LNX1: variants seen among roughly 807,000 people sequenced by gnomAD.
The protein encoded by LNX1 is ligand of numb-protein X 1, also known as E3 ubiquitin-protein ligase LNX.
Under a neutral mutation model 68.4 loss-of-function variants are expected in LNX1, and 54 were observed. The observed-to-expected ratio is 0.79, with a 90% CI of 0.63 to 0.99. The LOEUF is 0.99. Among genes scored for constraint, LNX1 ranks in the 50% least tolerant of loss-of-function variants. The probability of loss-of-function intolerance (pLI) is 0.00; values close to 1 mark genes in which losing one functional copy is unlikely to be tolerated. For synonymous variants in LNX1, 336 were observed against 350.0 expected, an observed-to-expected ratio of 0.96 and a Z score of 0.45; for missense variants, 906 against 926.4, an observed-to-expected ratio of 0.98 and a Z score of 0.29.
At chr4:53,610,517 C>T (rs1011069902) in intron 2 of LNX1, among the ~76,000 whole-genome samples, 2 of 151,904 alleles carry the variant, frequency 1.3e-5, no homozygotes, top group African/African-American at 4.8e-5. Context: ...ACCATCCTGG[C>T]TAACACGGTG....
In LNX1 at chr4:53,541,169, G is replaced by T. The variant is rs187689981; in HGVS notation, c.380+32454C>A. 2.3e-4 allele frequency among the ~76,000 whole-genome samples: 34 copies of T among 150,126 alleles called. No individual in the cohort carries two copies. The East Asian group carries it at 6.0e-3, about 27-fold the overall frequency. On this transcript the variant is annotated intron_variant, in intron 2 of 10. Transcript: ENST00000263925. ...AAAGAAAAAAAAAAAAGAAAGAAAA[G>T]AAAAGAAAGAAAGAAATGGCAGGAA...
chr4:53,540,849 CAGGAG>C (rs1397247897), intron 2 of LNX1, among the ~76,000 whole-genome samples: 1 of 151,916 alleles, frequency 6.6e-6, no homozygotes, highest in Non-Finnish European at 1.5e-5. Context: ...AAATAAATGG[CAGGAG>C]AGCTGGGAAT....
At chr4:53,585,586 T>G (rs1348261886) in intron 1 of LNX1, among the ~76,000 whole-genome samples, 1 of 152,092 alleles carries the variant, frequency 6.6e-6, no homozygotes, top group Non-Finnish European at 1.5e-5. Flanking sequence ...GGGTCCTAAA[T>G]TCAATGACAG....
chr4:53,496,893 A>G (rs1725106448), intron 5 of LNX1, among the ~76,000 whole-genome samples: 1 of 152,038 alleles, frequency 6.6e-6, no homozygotes, highest in South Asian at 2.1e-4. Flanking sequence ...CTGTGTGTGT[A>G]TGTAGATGTG....
At chr4:53,646,274 G>A (rs953816656) in intron 1 of LNX1, among the ~76,000 whole-genome samples, 10 of 152,168 alleles carry the variant, frequency 6.6e-5, no homozygotes, top group Admixed American at 3.3e-4. Context: ...GTAAATGACC[G>A]GAGTGGAGTA....
chr4:53,523,668 G>A (rs2109586326), intron 2 of LNX1, among the ~76,000 whole-genome samples: 1 of 152,248 alleles, frequency 6.6e-6, no homozygotes, highest in South Asian at 2.1e-4. Context: ...AGGAGACTAG[G>A]GATTTTTCTG....
At chr4:53,597,934 T>C (rs1732827439) in intron 2 of LNX1, among the ~76,000 whole-genome samples, 1 of 152,194 alleles carries the variant, frequency 6.6e-6, no homozygotes, top group Non-Finnish European at 1.5e-5. Context: ...TGTTGAACCA[T>C]TGCCTAGATC....
intron 2 of LNX1, among the ~76,000 whole-genome samples, chr4:53,571,330 TC>T (rs78223142): frequency 0.085 from 12,984 of 152,066 alleles, 623 homozygotes; most frequent in Non-Finnish European, 0.12. Context: ...AAATTAAGAA[TC>T]TTGAGATGAA....
At chr4:53,602,607 G>T (rs920258722) in intron 2 of LNX1, among the ~76,000 whole-genome samples, 1 of 152,216 alleles carries the variant, frequency 6.6e-6, no homozygotes, top group Admixed American at 6.5e-5. Context: ...GAGGGCACTT[G>T]AATGGCCTTT....
chr4:53,547,277 C>A (rs181308093), intron 2 of LNX1, among the ~76,000 whole-genome samples: 51 of 152,256 alleles, frequency 3.3e-4, no homozygotes, highest in Non-Finnish European at 6.9e-4. Context: ...TATTCTAACT[C>A]CCTCCATTAC....
intron 9 of LNX1, among the ~76,000 whole-genome samples, chr4:53,472,339 G>T (rs1736524344): frequency 6.6e-6 from 1 of 152,120 alleles, no homozygotes; most frequent in Admixed American, 6.5e-5. Flanking sequence ...GACTGTTGTG[G>T]GGTTGGGGGA....
intron 1 of LNX1, among the ~76,000 whole-genome samples, chr4:53,580,824 T>C (rs1366900091): frequency 6.6e-6 from 1 of 152,226 alleles, no homozygotes; most frequent in Non-Finnish European, 1.5e-5. Context: ...CTCTCTTATT[T>C]GTTTGTAAAC....
At chr4:53,551,607 G>T (rs1314351289) in intron 2 of LNX1, among the ~76,000 whole-genome samples, 1 of 152,122 alleles carries the variant, frequency 6.6e-6, no homozygotes, top group African/African-American at 2.4e-5. Flanking sequence ...CTGTGGATGC[G>T]GACAGCCCAC....
upstream of LNX1, among the ~76,000 whole-genome samples, chr4:53,621,217 C>T (rs1418793820): frequency 2.6e-5 from 4 of 152,114 alleles, no homozygotes; most frequent in African/African-American, 9.7e-5. Context: ...TTCAGAAGAC[C>T]TCCCCTAGCT....
intron 2 of LNX1, among the ~76,000 whole-genome samples, chr4:53,529,350 T>C (rs1560647982): frequency 6.6e-6 from 1 of 152,080 alleles, no homozygotes; most frequent in Non-Finnish European, 1.5e-5. Context: ...GGAGACAAGG[T>C]ACTTCTAATT....
At chr4:53,464,010 C>A (rs1357111090) in intron 9 of LNX1, among the ~76,000 whole-genome samples, 1 of 151,934 alleles carries the variant, frequency 6.6e-6, no homozygotes, top group Non-Finnish European at 1.5e-5. Context: ...CTTATTTCTT[C>A]CTGATGATTT....
At chr4:53,475,518 G>A (rs761137937) in intron 9 of LNX1, among the ~76,000 whole-genome samples, 2 of 152,168 alleles carry the variant, frequency 1.3e-5, no homozygotes, top group Non-Finnish European at 2.9e-5. Context: ...CATTTGAAAT[G>A]TAAAAAGAGA....
At chr4:53,483,519 A>G (rs563460774) in intron 6 of LNX1, among the ~76,000 whole-genome samples, 1 of 152,236 alleles carries the variant, frequency 6.6e-6, no homozygotes, top group Non-Finnish European at 1.5e-5. Flanking sequence ...AACTCACATA[A>G]ATAGAGCTCT....
intron 2 of LNX1, among the ~76,000 whole-genome samples, chr4:53,517,594 C>T (rs1464536499): frequency 2.0e-5 from 3 of 152,216 alleles, no homozygotes; most frequent in Non-Finnish European, 2.9e-5. Flanking sequence ...TGGATAATTA[C>T]GTTCTACGTG....
Sources: allele counts gnomAD v4.1 joint callset (sites outside exome capture counted in the v4.1 genomes callset), GRCh38; gene constraint gnomAD v4.1.1; transcripts MANE v1.5; gene names NCBI Gene and HGNC (gene_info 2026-07-23, HGNC 2026-07-21).